The following GYPB variants were observed in gnomAD, a reference collection of about 807,000 sequenced individuals.
The protein encoded by GYPB is glycophorin B (MNS blood group), also known as glycophorin-B.
Under a neutral mutation model 15.3 loss-of-function variants are expected in GYPB, and 13 were observed. That is an observed-to-expected ratio of 0.85 (90% CI 0.55 to 1.35). The LOEUF is 1.35. Ranked by LOEUF, GYPB falls within the 40% of genes most tolerant of loss-of-function variation. GYPB has a pLI of 0.00. For missense variants in GYPB, 131 were observed against 108.3 expected (o/e 1.21, Z -0.93); for synonymous variants, 38 against 36.9 (o/e 1.03, Z -0.11).
At chr4:144,009,835 G>T (rs555539531) in intron 1 of GYPB, among the ~76,000 whole-genome samples, 2 of 150,306 alleles carry the variant, frequency 1.3e-5, no homozygotes, top group Non-Finnish European at 2.9e-5. Context: ...GGACGATCTC[G>T]ATCTCCTGAC....
chr4:144,013,122 A>T (rs571815688), intron 1 of GYPB, among the ~76,000 whole-genome samples: 4 of 151,738 alleles, frequency 2.6e-5, no homozygotes, highest in Admixed American at 6.5e-5. Context: ...AAATAAATTT[A>T]AAAATGGGTG....
chr4:144,017,508 G>T (rs1288660654), intron 1 of GYPB, among the ~76,000 whole-genome samples: 1 of 151,126 alleles, frequency 6.6e-6, no homozygotes, highest in African/African-American at 2.5e-5. Context: ...TAACAGCTTG[G>T]GTACTGGAGA....
chr4:144,004,811 C>A (rs1370694708), intron 1 of GYPB, among the ~76,000 whole-genome samples: 22 of 151,924 alleles, frequency 1.4e-4, no homozygotes, highest in African/African-American at 4.6e-4. Flanking sequence ...AGCTAATAGA[C>A]ATCTGTGGAC....
At chr4:144,016,797 C>G (rs1289944573) in intron 1 of GYPB, 1 of 442,290 alleles carries the variant, frequency 2.3e-6, no homozygotes, top group Non-Finnish European at 4.5e-6. Flanking sequence ...AAAACACTAA[C>G]TTACCTCCTG....
chr4:144,013,098 C>G (rs545173509), intron 1 of GYPB, among the ~76,000 whole-genome samples: 1 of 151,576 alleles, frequency 6.6e-6, no homozygotes, highest in Non-Finnish European at 1.5e-5. Flanking sequence ...TACAACTTAG[C>G]AACAGAAAGA....
chr4:144,001,793 A>C (rs1035945736), intron 1 of GYPB, among the ~76,000 whole-genome samples: 2 of 151,094 alleles, frequency 1.3e-5, no homozygotes, highest in Non-Finnish European at 2.9e-5. Flanking sequence ...ACAGAACAAA[A>C]GTTCTGTCCC....
Position 144,017,451 on chromosome 4 carries a change from G to A in GYPB, c.37+1800C>T, listed in dbSNP as rs531966409. ...CCACCTTTCTGTTATACTATAAAGT[G>A]GCCACATCCAGAGAGTTTCCTTGGA... On this transcript the variant is annotated intron_variant, in intron 1 of 4. Transcript: ENST00000502664. Among the ~76,000 whole-genome samples the A allele has an allele frequency of 2.0e-5, 3 of 151,122 alleles. 1 individual carries two copies. Among genetic ancestry groups the A allele is most frequent in the African/African-American group, 4.9e-5 (2 of 40,602 alleles).
At chr4:143,996,791 T>A (rs35076034) in intron 4 of GYPB, among the ~76,000 whole-genome samples, 104,465 of 150,316 alleles carry the variant, frequency 0.69, 37,105 homozygotes, top group East Asian at 0.95. Flanking sequence ...TTTAAAAAAC[T>A]TTAATGATTC....
intron 1 of GYPB, among the ~76,000 whole-genome samples, chr4:144,009,806 G>A (rs560115528): frequency 6.7e-6 from 1 of 149,472 alleles, no homozygotes; most frequent in South Asian, 2.1e-4. Flanking sequence ...GTAGAGATGG[G>A]GTTTCACTGT....
At chr4:143,995,496 C>G (rs142634396), downstream of GYPB, among the ~76,000 whole-genome samples, 11 of 151,300 alleles carry the variant, frequency 7.3e-5, no homozygotes, top group East Asian at 2.1e-3. Flanking sequence ...ACATTGGGAC[C>G]CCAGGTCCTT....
chr4:143,999,685 C>G (rs967198389), intron 2 of GYPB, among the ~76,000 whole-genome samples: 7 of 151,216 alleles, frequency 4.6e-5, no homozygotes, highest in Non-Finnish European at 1.0e-4. Flanking sequence ...GAGAAATAAG[C>G]AAATTGTCTC....
In GYPB at chr4:144,008,148, T is replaced by C. The variant is rs553992919; in HGVS notation, c.38-6865A>G. Among the ~76,000 whole-genome samples the C allele has an allele frequency of 8.6e-4, 131 of 151,726 alleles. 4 individuals are homozygous for C. Among genetic ancestry groups the C allele is most frequent in the African/African-American group, 2.8e-3 (115 of 40,966 alleles). ...AAAAGAAAACATCAGAAACATTGCC[T>C]GACTTGCTTAAGTTCACACAGCCGC... is the stretch of plus-strand genomic sequence containing the variant. On this transcript the variant is annotated intron_variant, in intron 1 of 4. Coordinates refer to ENST00000502664, the MANE Select transcript of GYPB (RefSeq NM_002100.6).
intron 2 of GYPB, chr4:144,000,404 A>C (rs1727561219): frequency 1.2e-5 from 13 of 1,112,540 alleles, no homozygotes; most frequent in Non-Finnish European, 1.5e-5. Flanking sequence ...TCTGGAGGGG[A>C]AACAGTTGTA....
chr4:144,013,968 T>C (rs575212319), intron 1 of GYPB, among the ~76,000 whole-genome samples: 1 of 151,530 alleles, frequency 6.6e-6, no homozygotes, highest in African/African-American at 2.4e-5. Context: ...TCCAAAGATA[T>C]GCAAAATGCA....
downstream of GYPB, among the ~76,000 whole-genome samples, chr4:143,995,503 C>T (rs983552809): frequency 1.3e-5 from 2 of 151,234 alleles, no homozygotes; most frequent in African/African-American, 4.9e-5. Context: ...GACCCCAGGT[C>T]CTTTGGTTTA....
rs1332516218 is a variant in GYPB at position 144,010,438 on chromosome 4, C to T, written c.37+8813G>A. Among the ~76,000 whole-genome samples the T allele has an allele frequency of 3.3e-5, 5 of 151,292 alleles. 1 individual carries two copies. The highest frequency in any genetic ancestry group is 1.2e-4 in the African/African-American group (5 of 40,616). ...AAGCTATGACTGTGCCGTTGCAGTC[C>T]AGCTTAGGCCACAGAGCAAAATCTT... On this transcript the variant is annotated intron_variant, in intron 1 of 4. Transcript: ENST00000502664.
At chr4:144,003,237 G>T in intron 1 of GYPB, among the ~76,000 whole-genome samples, 1 of 151,326 alleles carries the variant, frequency 6.6e-6, no homozygotes, top group Admixed American at 6.6e-5. Flanking sequence ...ATAGATGAAG[G>T]GTTTGAAGCA....
Position 144,010,719 on chromosome 4 carries a change from C to T in GYPB, c.37+8532G>A, listed in dbSNP as rs1479026716. Among the ~76,000 whole-genome samples, 10 of 151,206 alleles carry T rather than the reference C, an allele frequency of 6.6e-5. 1 individual carries two copies. The highest frequency in any genetic ancestry group is 9.9e-5 in the African/African-American group (4 of 40,530). ...GCGTATGACATACCTGAAATGCACT[C>T]ACGGCCCGCACAAGCCATTGACCAG... On this transcript the variant is annotated intron_variant, in intron 1 of 4. Coordinates refer to ENST00000502664, the MANE Select transcript of GYPB (RefSeq NM_002100.6).
intron 1 of GYPB, among the ~76,000 whole-genome samples, chr4:144,010,499 GA>G (rs1560712912): frequency 6.6e-6 from 1 of 151,314 alleles, no homozygotes; most frequent in Non-Finnish European, 1.5e-5. Context: ...AAAATGGAGA[GA>G]ATATATCAAA....
Sources: allele counts gnomAD v4.1 joint callset (sites outside exome capture counted in the v4.1 genomes callset), GRCh38; gene constraint gnomAD v4.1.1; transcripts MANE v1.5; gene names NCBI Gene and HGNC (gene_info 2026-07-23, HGNC 2026-07-21).